Variants in CBL observed in about 807,000 individuals in gnomAD.
The protein encoded by CBL is E3 ubiquitin-protein ligase CBL.
In CBL, 45 loss-of-function variants were observed where a neutral mutation model predicts 96.9. That is an observed-to-expected ratio of 0.46 (90% CI 0.37 to 0.60). The LOEUF is 0.60. Among genes scored for constraint, CBL ranks in the 20% least tolerant of loss-of-function variants. The pLI is 0.00. For missense variants in CBL, 1,024 were observed against 1,143.5 expected, an observed-to-expected ratio of 0.90 and a Z score of 1.51; for synonymous variants, 420 against 426.8, an observed-to-expected ratio of 0.98 and a Z score of 0.20.
At chr11:119,286,657 C>T (rs1206984525) in intron 11 of CBL, among the ~76,000 whole-genome samples, 1 of 151,916 alleles carries the variant, frequency 6.6e-6, no homozygotes, top group African/African-American at 2.4e-5. Context: ...AGTTGAATAC[C>T]CTCTCCCAAA....
intron 2 of CBL, among the ~76,000 whole-genome samples, chr11:119,261,573 A>C (rs1403911983): frequency 1.3e-5 from 2 of 152,144 alleles, no homozygotes; most frequent in Non-Finnish European, 2.9e-5. Context: ...AGGGTATGAG[A>C]AGTTTTAAAG....
chr11:119,262,153 C>G (rs936440070), intron 2 of CBL, among the ~76,000 whole-genome samples: 1 of 152,124 alleles, frequency 6.6e-6, no homozygotes, highest in Non-Finnish European at 1.5e-5. Context: ...TTTCCATAAA[C>G]TCGTAACTCC....
chr11:119,275,186 A>T (rs773240807), intron 5 of CBL, among the ~76,000 whole-genome samples: 2 of 152,264 alleles, frequency 1.3e-5, no homozygotes, highest in Non-Finnish European at 2.9e-5. Context: ...CACGCCTGTC[A>T]TCCCAGCACT....
At chr11:119,292,758 T>A (rs2135316779) in intron 12 of CBL, among the ~76,000 whole-genome samples, 1 of 152,308 alleles carries the variant, frequency 6.6e-6, no homozygotes, top group African/African-American at 2.4e-5. Flanking sequence ...GCCTCCCTAG[T>A]AACTGAGACT....
intron 2 of CBL, among the ~76,000 whole-genome samples, chr11:119,254,726 T>G (rs979084477): frequency 6.6e-6 from 1 of 152,038 alleles, no homozygotes; most frequent in Non-Finnish European, 1.5e-5. Flanking sequence ...CTCAGACTCC[T>G]GAGTAGCTGG....
chr11:119,288,014 T>C, intron 12 of CBL, 68 bp downstream of exon 12: 1 of 1,039,094 alleles, frequency 9.6e-7, no homozygotes, highest in South Asian at 1.3e-5. Context: ...TTGCAGAAAA[T>C]TGAGAAAACC....
At chr11:119,217,954 T>G (rs1403870055) in intron 1 of CBL, among the ~76,000 whole-genome samples, 1 of 152,008 alleles carries the variant, frequency 6.6e-6, no homozygotes, top group East Asian at 1.9e-4. Flanking sequence ...GTGAGTTCCT[T>G]TAGTCCCAGA....
intron 2 of CBL, among the ~76,000 whole-genome samples, chr11:119,248,411 C>T (rs985371113): frequency 1.3e-5 from 2 of 152,166 alleles, no homozygotes; most frequent in Admixed American, 6.6e-5. Context: ...ACTAAATTAT[C>T]ACATTCAAAA....
At position 119,307,771 on chromosome 11, in the gene CBL, G is replaced by C; in HGVS notation, c.*7990G>C. ...TGGAGAGAACCTGATGCTTTCTCCA[G>C]AATGAAGAGTCCCAATTTGTATATC... On this transcript the variant is annotated 3_prime_UTR_variant, in exon 16 of 16. Coordinates refer to ENST00000264033, the MANE Select transcript of CBL (RefSeq NM_005188.4). 1 of 218,552 alleles carries C rather than the reference G, an allele frequency of 4.6e-6. No individual in the cohort carries two copies. Among genetic ancestry groups the C allele is most frequent in the Non-Finnish European group, 9.2e-6 (1 of 108,654 alleles). 13.5% of individuals were successfully genotyped at this position (218,552 alleles called of 1,614,324 possible). A position where few individuals can be genotyped will look rare whatever the true frequency, so the allele number is the denominator to read the frequency against.
chr11:119,237,141 A>G (rs891400217), intron 2 of CBL, among the ~76,000 whole-genome samples: 5 of 152,198 alleles, frequency 3.3e-5, no homozygotes, highest in African/African-American at 1.2e-4. Context: ...AGAAAACATA[A>G]TATACACAGG....
chr11:119,229,111 G>C (rs1227425540), intron 1 of CBL, among the ~76,000 whole-genome samples: 1 of 151,848 alleles, frequency 6.6e-6, no homozygotes, highest in East Asian at 1.9e-4. Flanking sequence ...TTAATCTCTA[G>C]TTACAGTGTC....
intron 1 of CBL, among the ~76,000 whole-genome samples, chr11:119,223,316 G>A (rs1440129379): frequency 6.8e-6 from 1 of 147,936 alleles, no homozygotes; most frequent in Non-Finnish European, 1.5e-5. Context: ...ACAGACATGA[G>A]CCACCATGCC....
At chr11:119,283,653 T>TTTTTTTTTTTTTTTTTTG in intron 9 of CBL, among the ~76,000 whole-genome samples, 1 of 105,670 alleles carries the variant, frequency 9.5e-6, no homozygotes, top group Admixed American at 9.2e-5. Flanking sequence ...TTTTTTTTTT[T>TTTTTTTTTTTTTTTTTTG]TTGAGATGGA....
At chr11:119,297,567 T>C in intron 14 of CBL, 86 bp downstream of exon 14, 1 of 1,010,890 alleles carries the variant, frequency 9.9e-7, no homozygotes, top group Non-Finnish European at 1.6e-6. Flanking sequence ...TAGCTTGATC[T>C]AAGCTCAAAA....
At chr11:119,246,515 A>T (rs923541308) in intron 2 of CBL, among the ~76,000 whole-genome samples, 2 of 150,942 alleles carry the variant, frequency 1.3e-5, no homozygotes, top group Non-Finnish European at 3.0e-5. Flanking sequence ...GCAATGGCAC[A>T]ATCTCAGCTC....
Position 119,285,531 on chromosome 11 carries a change from A to G in CBL, c.1906A>G (p.Arg636Gly). The change falls in exon 11 of 16, where the codon AGG (arginine) becomes GGG (glycine). Residue 636 changes from arginine to glycine, a missense_variant. Transcript: ENST00000264033. ...AATGGAGCCCAGACCAGATGTGCCTAGGCTCGGAAGCACGTTCAGTCTGGA... is the reference window on the plus strand; with the variant it reads ...AATGGAGCCCAGACCAGATGTGCCTGGGCTCGGAAGCACGTTCAGTCTGGA... ...SQMEPRPDVPRLGSTFSLDTS... is the reference protein window; with the variant it reads ...SQMEPRPDVPGLGSTFSLDTS... 6.2e-7 allele frequency: 1 copy of G among 1,614,132 alleles called. No homozygotes were observed.
At chr11:119,233,799 T>A (rs1949522410) in intron 2 of CBL, among the ~76,000 whole-genome samples, 1 of 152,228 alleles carries the variant, frequency 6.6e-6, no homozygotes, top group South Asian at 2.1e-4. Flanking sequence ...CTGGTTACCA[T>A]GCATGACTCT....
intron 9 of CBL, among the ~76,000 whole-genome samples, chr11:119,281,122 C>T (rs568018364): frequency 1.3e-5 from 2 of 152,256 alleles, no homozygotes; most frequent in South Asian, 4.1e-4. Flanking sequence ...AAATAGGAGT[C>T]ATCTGTGTTC....
At chr11:119,280,079 CAG>C (rs1274867349) in intron 9 of CBL, among the ~76,000 whole-genome samples, 1 of 152,126 alleles carries the variant, frequency 6.6e-6, no homozygotes, top group African/African-American at 2.4e-5. Context: ...GAAATGTAAA[CAG>C]AAAAAAAACC....
Sources: gnomAD v4.1 joint callset for allele counts (sites outside exome capture counted in the v4.1 genomes callset) on GRCh38, gnomAD v4.1.1 for gene constraint, MANE v1.5 for transcripts, NCBI Gene and HGNC (gene_info 2026-07-23, HGNC 2026-07-21) for gene names.